The following SPTLC2 variants were observed in gnomAD, a reference collection of about 807,000 sequenced individuals.
The protein encoded by SPTLC2 is serine palmitoyltransferase 2.
In SPTLC2, 21 loss-of-function variants were observed where a neutral mutation model predicts 62.0. That is an observed-to-expected ratio of 0.34 (90% CI 0.24 to 0.49). The LOEUF is 0.49. Among genes scored for constraint, SPTLC2 ranks in the 20% least tolerant of loss-of-function variants. The pLI, the probability that SPTLC2 is intolerant of heterozygous loss-of-function variation, is 0.99. For synonymous variants in SPTLC2, 261 were observed against 261.8 expected (o/e 1.00, Z 0.03); for missense variants, 511 against 713.0 (o/e 0.72, Z 3.23).
chr14:77,517,861 T>C (rs932103401), intron 11 of SPTLC2, among the ~76,000 whole-genome samples, 177 bp downstream of exon 11: 1 of 152,212 alleles, frequency 6.6e-6, no homozygotes, highest in Admixed American at 6.5e-5. Context: ...GCTCTCATGA[T>C]GCAGGTGTGG....
At chr14:77,548,409 T>C (rs192233056) in intron 9 of SPTLC2, among the ~76,000 whole-genome samples, 1 of 152,348 alleles carries the variant, frequency 6.6e-6, no homozygotes, top group East Asian at 1.9e-4. Context: ...AGCACAGCTC[T>C]GGAAAATGGA....
At chr14:77,540,654 T>A (rs1191957425) in intron 9 of SPTLC2, among the ~76,000 whole-genome samples, 1 of 152,096 alleles carries the variant, frequency 6.6e-6, no homozygotes, top group Non-Finnish European at 1.5e-5. Flanking sequence ...TTTGTATTTT[T>A]AGTAGAGATG....
chr14:77,551,147 A>C (rs896217598), intron 9 of SPTLC2, among the ~76,000 whole-genome samples: 1 of 152,106 alleles, frequency 6.6e-6, no homozygotes, highest in Non-Finnish European at 1.5e-5. Flanking sequence ...TAATCCCAGC[A>C]CTTTGGGAGC....
intron 8 of SPTLC2, among the ~76,000 whole-genome samples, chr14:77,553,526 T>A (rs2079566294): frequency 6.6e-6 from 1 of 151,910 alleles, no homozygotes; most frequent in Admixed American, 6.6e-5. Context: ...GGTCAAGAGA[T>A]CGAGACCATC....
intron 1 of SPTLC2, among the ~76,000 whole-genome samples, chr14:77,613,477 A>G (rs895711672): frequency 2.0e-5 from 3 of 152,240 alleles, no homozygotes; most frequent in Admixed American, 2.0e-4. Context: ...TGTCATCACT[A>G]AACAGCAATG....
At chr14:77,600,078 C>T (rs193070336) in intron 1 of SPTLC2, among the ~76,000 whole-genome samples, 1 of 152,250 alleles carries the variant, frequency 6.6e-6, no homozygotes, top group African/African-American at 2.4e-5. Flanking sequence ...GTCAGGAATG[C>T]TATGGGTGGG....
At chr14:77,565,746 G>A (rs1029488918) in intron 5 of SPTLC2, among the ~76,000 whole-genome samples, 1 of 152,148 alleles carries the variant, frequency 6.6e-6, no homozygotes, top group Non-Finnish European at 1.5e-5. Flanking sequence ...ATCCTGAAGC[G>A]GAAAAACTGG....
intron 11 of SPTLC2, among the ~76,000 whole-genome samples, chr14:77,517,394 A>G (rs942350216): frequency 2.6e-5 from 4 of 152,252 alleles, no homozygotes; most frequent in Admixed American, 1.3e-4. Flanking sequence ...CAACAATAAC[A>G]TATTAAGAGA....
intron 5 of SPTLC2, 89 bp from the exon 6 acceptor site, chr14:77,562,578 G>A: frequency 2.0e-6 from 2 of 977,600 alleles, no homozygotes; most frequent in Non-Finnish European, 3.2e-6. Context: ...ACTAATAGCT[G>A]TATCTTATTA....
intron 8 of SPTLC2, among the ~76,000 whole-genome samples, chr14:77,553,733 A>AAC (rs954978374): frequency 8.6e-5 from 13 of 150,696 alleles, no homozygotes; most frequent in African/African-American, 3.2e-4. Flanking sequence ...TGGTCTCAAA[A>AAC]AAAAAAAAAA....
At chr14:77,584,887 G>A (rs1329040137) in intron 2 of SPTLC2, among the ~76,000 whole-genome samples, 1 of 152,242 alleles carries the variant, frequency 6.6e-6, no homozygotes, top group Non-Finnish European at 1.5e-5. Context: ...TGTAGGGTCT[G>A]CCAGTGAGAA....
chr14:77,597,219 CT>C lies in SPTLC2; in HGVS notation c.293del (p.Lys98SerfsTer31). 1 of 1,614,148 alleles carries C rather than the reference CT, an allele frequency of 6.2e-7. No homozygotes were observed. Among genetic ancestry groups the C allele is most frequent in the Non-Finnish European group, 8.5e-7 (1 of 1,180,026 alleles). On this transcript the variant is annotated frameshift_variant, in exon 2 of 12. Coordinates refer to ENST00000216484, the MANE Select transcript of SPTLC2 (RefSeq NM_004863.4). LOFTEE classifies it high-confidence loss of function. ...RDFLRYWRIE[K>X]CHHATEREEQ... ...CTTCTCTTTCTGTTGCATGGTGACACTTTTCAATTCTCCAATACCTCAAGAA... is the reference window on the plus strand; with the variant it reads ...CTTCTCTTTCTGTTGCATGGTGACACTTTCAATTCTCCAATACCTCAAGAA...
At chr14:77,543,588 A>G (rs1188133484) in intron 9 of SPTLC2, among the ~76,000 whole-genome samples, 1 of 152,224 alleles carries the variant, frequency 6.6e-6, no homozygotes, top group Non-Finnish European at 1.5e-5. Flanking sequence ...GGCCATTTGT[A>G]GGTTATGTAC....
At chr14:77,587,968 T>C (rs2079791746) in intron 2 of SPTLC2, among the ~76,000 whole-genome samples, 1 of 152,106 alleles carries the variant, frequency 6.6e-6, no homozygotes, top group Non-Finnish European at 1.5e-5. Flanking sequence ...AGTGTCTCAC[T>C]CTGTAACCCA....
chr14:77,517,985 C>A (rs1486605447), intron 11 of SPTLC2, 53 bp downstream of exon 11: 1 of 1,610,848 alleles, frequency 6.2e-7, no homozygotes, highest in Non-Finnish European at 8.5e-7. Context: ...ATCTAATATA[C>A]AGGCCCTTTT....
At chr14:77,614,827 CG>C (rs958541213) in intron 1 of SPTLC2, among the ~76,000 whole-genome samples, 30 of 150,814 alleles carry the variant, frequency 2.0e-4, no homozygotes, top group African/African-American at 6.6e-4. Flanking sequence ...AAAATTTAGC[CG>C]GGCGTGATGA....
chr14:77,569,032 G>A (rs994452681), intron 5 of SPTLC2, among the ~76,000 whole-genome samples: 24 of 152,094 alleles, frequency 1.6e-4, no homozygotes, highest in African/African-American at 5.6e-4. Context: ...TTCCAATAAT[G>A]GAACATTAGG....
At chr14:77,587,527 G>A (rs2140047888) in intron 2 of SPTLC2, among the ~76,000 whole-genome samples, 2 of 148,650 alleles carry the variant, frequency 1.3e-5, no homozygotes, top group Admixed American at 1.3e-4. Context: ...AGCACTTTGG[G>A]AGGCTGAGGC....
At chr14:77,530,731 A>G (rs1278295646) in intron 9 of SPTLC2, among the ~76,000 whole-genome samples, 2 of 152,238 alleles carry the variant, frequency 1.3e-5, no homozygotes, top group South Asian at 2.1e-4. Context: ...GTGAGGTTAC[A>G]TATCTTAAAA....
Sources: gnomAD v4.1 joint callset for allele counts (sites outside exome capture counted in the v4.1 genomes callset) on GRCh38, gnomAD v4.1.1 for gene constraint, MANE v1.5 for transcripts, NCBI Gene and HGNC (gene_info 2026-07-23, HGNC 2026-07-21) for gene names.